STK32B: variants seen among roughly 807,000 people sequenced by gnomAD.
The protein encoded by STK32B is serine/threonine kinase 32B, also known as serine/threonine-protein kinase 32B.
In STK32B, 43 loss-of-function variants were observed where a neutral mutation model predicts 52.6. That is an observed-to-expected ratio of 0.82 (90% CI 0.64 to 1.05). The LOEUF is 1.05. Among genes scored for constraint, STK32B ranks in the 50% least tolerant of loss-of-function variants. STK32B has a pLI of 0.00. For synonymous variants in STK32B, 238 were observed against 204.3 expected, an observed-to-expected ratio of 1.17 and a Z score of -1.41; for missense variants, 621 against 534.6, an observed-to-expected ratio of 1.16 and a Z score of -1.59.
At chr4:5,048,251 T>C (rs1201801255), upstream of STK32B, among the ~76,000 whole-genome samples, 1 of 151,272 alleles carries the variant, frequency 6.6e-6, no homozygotes, top group Non-Finnish European at 1.5e-5. Context: ...TGCCTCAGCC[T>C]CCTGAGTAGC....
At chr4:5,026,870 G>A in the STK32B span, among the ~76,000 whole-genome samples, 1 of 152,222 alleles carries the variant, frequency 6.6e-6, no homozygotes, top group Non-Finnish European at 1.5e-5. Flanking sequence ...AGGATTAGAA[G>A]AGTCCAGCAG....
chr4:5,219,152 A>G (rs1314111465), intron 3 of STK32B, among the ~76,000 whole-genome samples: 3 of 152,180 alleles, frequency 2.0e-5, no homozygotes, highest in Non-Finnish European at 2.9e-5. Context: ...AGTCTGACCA[A>G]TGTTTCAACC....
chr4:5,346,115 A>G (rs1358784321), intron 4 of STK32B, among the ~76,000 whole-genome samples: 7 of 152,192 alleles, frequency 4.6e-5, no homozygotes, highest in Admixed American at 6.5e-5. Flanking sequence ...TATTTTGACA[A>G]AATTTTCTGT....
chr4:5,456,476 C>A (rs929290998), intron 7 of STK32B, among the ~76,000 whole-genome samples: 3 of 152,218 alleles, frequency 2.0e-5, no homozygotes, highest in Admixed American at 2.0e-4. Flanking sequence ...AGTCAGCCCG[C>A]AAGCCTGTGA....
At chr4:5,060,119 C>T (rs1427661633) in intron 1 of STK32B, among the ~76,000 whole-genome samples, 1 of 151,972 alleles carries the variant, frequency 6.6e-6, no homozygotes, top group East Asian at 1.9e-4. Context: ...GGCATGTGCC[C>T]CTACGCCCGG....
intron 1 of STK32B, among the ~76,000 whole-genome samples, chr4:5,097,362 C>T (rs2108789507): frequency 6.6e-6 from 1 of 152,300 alleles, no homozygotes; most frequent in East Asian, 1.9e-4. Flanking sequence ...ACTCTTTGTT[C>T]ACAGTTTGCT....
intron 1 of STK32B, among the ~76,000 whole-genome samples, chr4:5,136,986 G>A (rs764302903): frequency 1.3e-5 from 2 of 152,142 alleles, no homozygotes; most frequent in East Asian, 3.9e-4. Context: ...ATTTTGTAGG[G>A]GATATGGATG....
chr4:5,093,498 TG>T (rs1216755212), intron 1 of STK32B, among the ~76,000 whole-genome samples: 1 of 149,550 alleles, frequency 6.7e-6, no homozygotes, highest in East Asian at 2.0e-4. Flanking sequence ...CACTCATAGG[TG>T]GGAATTGAAC....
At chr4:5,355,504 C>G (rs1323851599) in intron 4 of STK32B, among the ~76,000 whole-genome samples, 2 of 152,162 alleles carry the variant, frequency 1.3e-5, no homozygotes, top group African/African-American at 4.8e-5. Flanking sequence ...TTTTTCTTAT[C>G]TGTCAGAACT....
rs987697134 is a variant in STK32B, at chr4:5,496,644, C to T, written c.1107-2301C>T. Among the ~76,000 whole-genome samples, 7 of 152,236 alleles carry T rather than the reference C, an allele frequency of 4.6e-5. No individual in the cohort carries two copies. The East Asian group carries it at 7.7e-4, about 17-fold the overall frequency. On this transcript the variant is annotated intron_variant, in intron 11 of 11. Transcript: ENST00000282908. ...TGCAGAAATCACCCATCTTCTGCGTCGCTCACACTGGGAGCTGTAGACCGG... is the reference window on the plus strand; with the variant it reads ...TGCAGAAATCACCCATCTTCTGCGTTGCTCACACTGGGAGCTGTAGACCGG...
intron 11 of STK32B, among the ~76,000 whole-genome samples, chr4:5,482,172 G>A (rs1289126067): frequency 6.6e-6 from 1 of 152,128 alleles, no homozygotes; most frequent in Non-Finnish European, 1.5e-5. Context: ...AAATTACCTT[G>A]GGCAGTATGG....
intron 6 of STK32B, among the ~76,000 whole-genome samples, chr4:5,439,601 A>G (rs7434643): frequency 6.6e-6 from 1 of 151,282 alleles, no homozygotes; most frequent in Non-Finnish European, 1.5e-5. Flanking sequence ...GAAGCTCTTT[A>G]GTTTAATTAG....
At chr4:5,379,532 A>T (rs1220041919) in intron 4 of STK32B, among the ~76,000 whole-genome samples, 2 of 152,150 alleles carry the variant, frequency 1.3e-5, no homozygotes, top group African/African-American at 4.8e-5. Flanking sequence ...CCCAATTCAT[A>T]CATTGAAGCC....
chr4:5,100,020 A>T (rs1259001280), intron 1 of STK32B, among the ~76,000 whole-genome samples: 2 of 152,004 alleles, frequency 1.3e-5, no homozygotes, highest in Non-Finnish European at 2.9e-5. Context: ...AAAAACACTG[A>T]ATAGGTCAAA....
At chr4:5,328,422 T>G (rs1242889837) in intron 3 of STK32B, among the ~76,000 whole-genome samples, 1 of 152,230 alleles carries the variant, frequency 6.6e-6, no homozygotes, top group Non-Finnish European at 1.5e-5. Flanking sequence ...CTTGAACACT[T>G]ACAGGCCTTT....
chr4:5,413,801 A>G (rs1210311366), intron 5 of STK32B, among the ~76,000 whole-genome samples: 3 of 152,234 alleles, frequency 2.0e-5, no homozygotes, highest in African/African-American at 7.2e-5. Context: ...CTCTGCAGCG[A>G]GGTAACATTT....
At chr4:5,216,571 G>T (rs1723196249) in intron 3 of STK32B, among the ~76,000 whole-genome samples, 1 of 152,164 alleles carries the variant, frequency 6.6e-6, no homozygotes. Flanking sequence ...AAAGAGGAGG[G>T]TGGGCAGGGA....
At chr4:5,461,049 C>T (rs7685158) in intron 9 of STK32B, among the ~76,000 whole-genome samples, 46,890 of 152,092 alleles carry the variant, frequency 0.31, 8,812 homozygotes, top group Non-Finnish European at 0.43. Flanking sequence ...TGGAAGCCTC[C>T]TGTGGTCCCT....
the STK32B span, among the ~76,000 whole-genome samples, chr4:5,039,379 C>T: frequency 6.6e-6 from 1 of 152,130 alleles, no homozygotes; most frequent in Admixed American, 6.5e-5. Flanking sequence ...AAAACTAAGA[C>T]ACAAATACGC....
Sources: gnomAD v4.1 joint callset for allele counts (sites outside exome capture counted in the v4.1 genomes callset) on GRCh38, gnomAD v4.1.1 for gene constraint, MANE v1.5 for transcripts, NCBI Gene and HGNC (gene_info 2026-07-23, HGNC 2026-07-21) for gene names.